The following MALRD1 variants were observed in gnomAD, a reference collection of about 807,000 sequenced individuals.
MALRD1 encodes the protein MAM and LDL-receptor class A domain-containing protein 1.
MALRD1 carries 247 observed loss-of-function variants against 242.1 expected under a neutral mutation model. The observed-to-expected ratio is 1.02, with a 90% CI of 0.92 to 1.13. MALRD1 has a LOEUF of 1.13. MALRD1 is among the 50% of genes most tolerant of loss of function. The probability of loss-of-function intolerance (pLI) is 0.00; values close to 1 mark genes in which losing one functional copy is unlikely to be tolerated. For synonymous variants in MALRD1, 995 were observed against 866.6 expected (o/e 1.15, Z -2.60); for missense variants, 2,989 against 2,533.1 (o/e 1.18, Z -3.86).
At chr10:19,512,715 A>G (rs537934756) in intron 31 of MALRD1, among the ~76,000 whole-genome samples, 1 of 152,352 alleles carries the variant, frequency 6.6e-6, no homozygotes, top group African/African-American at 2.4e-5. Context: ...ATTTATAGGT[A>G]GAAATGCAGC....
chr10:19,623,268 C>G (rs1297118197), intron 36 of MALRD1, among the ~76,000 whole-genome samples: 1 of 151,824 alleles, frequency 6.6e-6, no homozygotes, highest in South Asian at 2.1e-4. Context: ...AGAAAAAGTA[C>G]AAATATCCCT....
chr10:19,581,484 C>G (rs1459308175), intron 33 of MALRD1, among the ~76,000 whole-genome samples: 4 of 151,084 alleles, frequency 2.6e-5, no homozygotes, highest in Admixed American at 1.3e-4. Flanking sequence ...GTATTTTGTT[C>G]TTGTGACAGT....
chr10:19,387,915 T>G, intron 27 of MALRD1, 142 bp downstream of exon 27: 1 of 1,079,540 alleles, frequency 9.3e-7, no homozygotes, highest in South Asian at 1.7e-5. Context: ...TGAGTGTTTT[T>G]TTTCTTAGGG....
rs201069367 is a variant in MALRD1 at position 19,305,805 on chromosome 10, ACTAT to A, written c.3420-18139_3420-18136del. Among the ~76,000 whole-genome samples, 1,284 of 141,026 alleles carry A rather than the reference ACTAT, an allele frequency of 9.1e-3. 8 individuals carry two copies. The highest frequency in any genetic ancestry group is 0.023 in the African/African-American group (890 of 38,464). 92.5% of individuals were successfully genotyped at this position (141,026 alleles called of 152,430 possible). A position where few individuals can be genotyped will look rare whatever the true frequency, so the allele number is the denominator to read the frequency against. ...TATATTATATATATACCATATATAT[ACTAT>A]CTATTATGTATATACTATATATACT... On this transcript the variant is annotated intron_variant, in intron 21 of 39. Transcript: ENST00000454679.
chr10:19,727,768 AT>A lies in MALRD1; in HGVS notation c.6315-2925del, dbSNP rs5783695. ...ACAAATACAGTAAGTCAAACATTGC[AT>A]TTTTTTTTTTTTGGCCTGATGAAGA... On this transcript the variant is annotated intron_variant, in intron 38 of 39. Transcript: ENST00000454679. Among the ~76,000 whole-genome samples the A allele has an allele frequency of 4.1e-3, 595 of 146,510 alleles. 3 individuals carry two copies. Among genetic ancestry groups the A allele is most frequent in the African/African-American group, 0.012 (491 of 39,890 alleles).
intron 36 of MALRD1, among the ~76,000 whole-genome samples, chr10:19,684,536 A>C (rs997204139): frequency 1.3e-5 from 2 of 152,128 alleles, no homozygotes; most frequent in Admixed American, 6.6e-5. Flanking sequence ...CAGATGAACC[A>C]CTTGAGGCCA....
chr10:19,353,848 G>A (rs567451287), intron 26 of MALRD1, among the ~76,000 whole-genome samples: 73 of 151,978 alleles, frequency 4.8e-4, no homozygotes, highest in Non-Finnish European at 6.9e-4. Context: ...GTTGGTGGGG[G>A]AGCAAGAGTT....
intron 19 of MALRD1, among the ~76,000 whole-genome samples, chr10:19,268,126 A>C (rs1188904138): frequency 6.6e-6 from 1 of 152,116 alleles, no homozygotes; most frequent in South Asian, 2.1e-4. Context: ...TCCATCTGCT[A>C]CTTCAGTCAT....
intron 29 of MALRD1, among the ~76,000 whole-genome samples, chr10:19,458,074 A>G (rs1835753047): frequency 6.6e-6 from 1 of 152,116 alleles, no homozygotes; most frequent in African/African-American, 2.4e-5. Context: ...TATACACTGC[A>G]ATGCACCTTT....
chr10:19,145,964 A>G (rs1036660188), intron 10 of MALRD1, among the ~76,000 whole-genome samples: 9 of 152,314 alleles, frequency 5.9e-5, no homozygotes, highest in African/African-American at 2.2e-4. Context: ...ATGGCCAACC[A>G]GAATGAAATG....
At chr10:19,221,247 G>A (rs899310941) in intron 18 of MALRD1, among the ~76,000 whole-genome samples, 47 of 151,834 alleles carry the variant, frequency 3.1e-4, no homozygotes, top group African/African-American at 1.1e-3. Context: ...TGTAAATATC[G>A]TAGGACTATG....
At chr10:19,346,010 C>G (rs536208949) in intron 24 of MALRD1, among the ~76,000 whole-genome samples, 2 of 152,068 alleles carry the variant, frequency 1.3e-5, no homozygotes, top group East Asian at 1.9e-4. Context: ...GTCTTGAACT[C>G]CTAGCATCAT....
chr10:19,712,540 A>G (rs1030865168), intron 38 of MALRD1, among the ~76,000 whole-genome samples: 1 of 152,214 alleles, frequency 6.6e-6, no homozygotes, highest in African/African-American at 2.4e-5. Flanking sequence ...TGTTAAGTTT[A>G]AATTGTCTAA....
At chr10:19,342,770 A>C (rs2130963421) in intron 24 of MALRD1, among the ~76,000 whole-genome samples, 1 of 152,228 alleles carries the variant, frequency 6.6e-6, no homozygotes, top group Admixed American at 6.6e-5. Context: ...TCCTGACTGC[A>C]GCTGAGTGAC....
intron 34 of MALRD1, among the ~76,000 whole-genome samples, chr10:19,606,599 T>G (rs1196433431): frequency 6.6e-6 from 1 of 152,140 alleles, no homozygotes; most frequent in Admixed American, 6.6e-5. Flanking sequence ...GGTTCATGCT[T>G]TGACACATTC....
intron 28 of MALRD1, among the ~76,000 whole-genome samples, chr10:19,399,494 G>A (rs1846734070): frequency 6.6e-6 from 1 of 152,168 alleles, no homozygotes; most frequent in Non-Finnish European, 1.5e-5. Flanking sequence ...TTGCTTATCA[G>A]TGGGCTGATT....
At chr10:19,263,119 C>G (rs1839826858) in intron 19 of MALRD1, among the ~76,000 whole-genome samples, 1 of 152,150 alleles carries the variant, frequency 6.6e-6, no homozygotes, top group Non-Finnish European at 1.5e-5. Flanking sequence ...CCAGATGTCT[C>G]TTTGAAATAG....
At chr10:19,121,356 A>C (rs1837058333) in intron 5 of MALRD1, among the ~76,000 whole-genome samples, 1 of 152,092 alleles carries the variant, frequency 6.6e-6, no homozygotes, top group African/African-American at 2.4e-5. Context: ...TACACTTTAA[A>C]ATAGATAAAA....
At chr10:19,219,033 A>G (rs1837450120) in intron 18 of MALRD1, among the ~76,000 whole-genome samples, 1 of 152,138 alleles carries the variant, frequency 6.6e-6, no homozygotes, top group African/African-American at 2.4e-5. Context: ...GTGTTTATTT[A>G]TATGTCATAA....
Sources: allele counts gnomAD v4.1 joint callset (sites outside exome capture counted in the v4.1 genomes callset), GRCh38; gene constraint gnomAD v4.1.1; transcripts MANE v1.5; gene names NCBI Gene and HGNC (gene_info 2026-07-23, HGNC 2026-07-21).